The following CCDC85C variants were observed in gnomAD, a reference collection of about 807,000 sequenced individuals.
CCDC85C encodes coiled-coil domain containing 85C, also known as coiled-coil domain-containing protein 85C.
CCDC85C carries 18 observed loss-of-function variants against 38.3 expected under a neutral mutation model. That is an observed-to-expected ratio of 0.47 (90% CI 0.33 to 0.70). The LOEUF is 0.70. CCDC85C is among the 30% of genes least tolerant of loss of function. The pLI, the probability that CCDC85C is intolerant of heterozygous loss-of-function variation, is 0.03. For missense variants in CCDC85C, 566 were observed against 621.2 expected (o/e 0.91, Z 0.94); for synonymous variants, 264 against 293.8 (o/e 0.90, Z 1.04).
chr14:99,594,412 C>T lies in CCDC85C; in HGVS notation c.793+8755G>A, dbSNP rs1248766678. 2.6e-5 allele frequency among the ~76,000 whole-genome samples: 4 copies of T among 152,210 alleles called. No homozygotes were observed. The South Asian group carries it at 6.2e-4, about 24-fold the overall frequency. ...GGCTGGTCTGGGCCAGGGTCTCAGCCTCAAACAGCGTTTAGACAGGTCACC... is the reference window on the plus strand; with the variant it reads ...GGCTGGTCTGGGCCAGGGTCTCAGCTTCAAACAGCGTTTAGACAGGTCACC... On this transcript the variant is annotated intron_variant, in intron 1 of 5. Coordinates refer to ENST00000380243, the MANE Select transcript of CCDC85C (RefSeq NM_001144995.2).
chr14:99,592,892 G>T (rs2055102523), intron 1 of CCDC85C, among the ~76,000 whole-genome samples: 1 of 152,244 alleles, frequency 6.6e-6, no homozygotes, highest in Non-Finnish European at 1.5e-5. Flanking sequence ...GCGAGGGGGA[G>T]AAGAGGGGAG....
chr14:99,524,597 C>CA (rs1897348989), intron 2 of CCDC85C, among the ~76,000 whole-genome samples: 1 of 152,216 alleles, frequency 6.6e-6, no homozygotes, highest in African/African-American at 2.4e-5. Context: ...GAAAAACACA[C>CA]AATCTCTCAT....
intron 2 of CCDC85C, among the ~76,000 whole-genome samples, chr14:99,527,975 C>T (rs1403894096): frequency 6.6e-6 from 1 of 152,190 alleles, no homozygotes; most frequent in Non-Finnish European, 1.5e-5. Flanking sequence ...CGCTGCATCA[C>T]TGTCTTGCTA....
chr14:99,538,505 T>C (rs1455113103), intron 1 of CCDC85C, among the ~76,000 whole-genome samples: 1 of 152,244 alleles, frequency 6.6e-6, no homozygotes, highest in Admixed American at 6.5e-5. Flanking sequence ...CCACTGTGTG[T>C]GACCAACAGC....
In CCDC85C at chr14:99,507,389, C is replaced by A. The variant is rs1389702957; in HGVS notation, c.*7857G>T. ...CCCAGGAGTTCGAGGTCAGCCTGGG[C>A]AACAAAGTGAGACCCTGTCTAAAAA... is the stretch of plus-strand genomic sequence containing the variant. On this transcript the variant is annotated 3_prime_UTR_variant, in exon 6 of 6. Coordinates refer to ENST00000380243, the MANE Select transcript of CCDC85C (RefSeq NM_001144995.2). 2 of 499,764 alleles carry A rather than the reference C, an allele frequency of 4.0e-6. No individual in the cohort carries two copies. Among genetic ancestry groups the A allele is most frequent in the African/African-American group, 3.9e-5 (2 of 51,452 alleles). The allele number at this position is 499,764 out of a possible 1,614,324, so 31.0% of individuals were successfully genotyped here.
At chr14:99,568,299 C>A (rs1455305848) in intron 1 of CCDC85C, among the ~76,000 whole-genome samples, 4 of 145,394 alleles carry the variant, frequency 2.8e-5, no homozygotes, top group Non-Finnish European at 6.0e-5. Flanking sequence ...GTCACCCAGG[C>A]TGGAGTGCAA....
intron 1 of CCDC85C, among the ~76,000 whole-genome samples, chr14:99,562,181 C>T (rs1014015304): frequency 2.6e-5 from 4 of 152,160 alleles, no homozygotes; most frequent in South Asian, 2.1e-4. Context: ...AAGAGAGCGA[C>T]GCCCTCCAGC....
intron 1 of CCDC85C, among the ~76,000 whole-genome samples, chr14:99,542,894 A>G (rs899801038): frequency 1.3e-5 from 2 of 152,104 alleles, no homozygotes; most frequent in African/African-American, 4.8e-5. Context: ...TTCACCAAAG[A>G]GCCCTGTGAG....
chr14:99,549,247 G>A (rs939654529), intron 1 of CCDC85C, among the ~76,000 whole-genome samples: 3 of 152,162 alleles, frequency 2.0e-5, no homozygotes, highest in Admixed American at 6.5e-5. Flanking sequence ...AAGTCTGGGC[G>A]GCTGTTCTAG....
intron 1 of CCDC85C, among the ~76,000 whole-genome samples, chr14:99,600,708 T>C (rs1440824715): frequency 1.4e-5 from 1 of 69,748 alleles, no homozygotes; most frequent in Non-Finnish European, 5.7e-5. Context: ...ATAATACTGC[T>C]TCCCCAGGGT....
intron 1 of CCDC85C, among the ~76,000 whole-genome samples, chr14:99,579,690 G>A (rs1460229156): frequency 1.3e-5 from 2 of 152,186 alleles, no homozygotes; most frequent in African/African-American, 4.8e-5. Context: ...CAGCTCCCTG[G>A]GGGAGGCAGC....
chr14:99,531,145 TG>T (rs1302459074), intron 2 of CCDC85C, among the ~76,000 whole-genome samples: 1 of 151,408 alleles, frequency 6.6e-6, no homozygotes, highest in Non-Finnish European at 1.5e-5. Context: ...GGGCACAGCG[TG>T]GGGGAAGAGG....
In CCDC85C at chr14:99,522,035, G is replaced by A. The variant is rs527253323; in HGVS notation, c.975+98C>T. ...GGCCTAGGGCTGGGGCTGAACTCAG[G>A]CACCCAGATCCTTGTGCCCCTCCGG... On this transcript the variant is annotated intron_variant, in intron 3 of 5. Transcript: ENST00000380243. The A allele has an allele frequency of 4.3e-4, 382 of 886,618 alleles. No homozygotes were observed. In the African/African-American group the frequency reaches 5.8e-3, roughly 13 times the overall value. The allele number at this position is 886,618 out of a possible 1,614,324, so 54.9% of individuals were successfully genotyped here. A position where few individuals can be genotyped will look rare whatever the true frequency, so the allele number is the denominator to read the frequency against.
At chr14:99,532,782 CTTTT>C (rs34038396) in intron 2 of CCDC85C, among the ~76,000 whole-genome samples, 1 of 124,392 alleles carries the variant, frequency 8.0e-6, no homozygotes. Flanking sequence ...TCTTCTTCTT[CTTTT>C]TTTTTTTTTT....
intron 1 of CCDC85C, among the ~76,000 whole-genome samples, chr14:99,577,612 G>A (rs1168524189): frequency 6.6e-6 from 1 of 152,096 alleles, no homozygotes; most frequent in Non-Finnish European, 1.5e-5. Context: ...AGTGAAGTGT[G>A]TGTCTGCGAG....
chr14:99,547,401 G>A (rs1897827069), intron 1 of CCDC85C, among the ~76,000 whole-genome samples: 3 of 152,098 alleles, frequency 2.0e-5, no homozygotes, highest in South Asian at 2.1e-4. Context: ...TAATGGAAAC[G>A]GGGTTCCTTT....
intron 2 of CCDC85C, among the ~76,000 whole-genome samples, chr14:99,524,543 T>G (rs1179185408): frequency 6.6e-6 from 1 of 152,186 alleles, no homozygotes. Context: ...TATAAACATT[T>G]GCATGTCCAT....
rs567766787 is a variant in CCDC85C, at chr14:99,594,619, C to T, written c.793+8548G>A. ...GGACCACTGAGTGACCGATAGGAGG[C>T]AGGATGGGCAGGGGAGGCCACCCCT... On this transcript the variant is annotated intron_variant, in intron 1 of 5. Transcript: ENST00000380243. Among the ~76,000 whole-genome samples, 12 of 152,304 alleles carry T rather than the reference C, an allele frequency of 7.9e-5. No homozygotes were observed. In the South Asian group the frequency reaches 2.5e-3, roughly 32 times the overall value.
chr14:99,565,867 A>G (rs1472208662), intron 1 of CCDC85C, among the ~76,000 whole-genome samples: 1 of 152,148 alleles, frequency 6.6e-6, no homozygotes, highest in East Asian at 1.9e-4. Flanking sequence ...CCCAGAGAAG[A>G]GGCAGGATGA....
Sources: allele counts gnomAD v4.1 joint callset (sites outside exome capture counted in the v4.1 genomes callset), GRCh38; gene constraint gnomAD v4.1.1; transcripts MANE v1.5; gene names NCBI Gene and HGNC (gene_info 2026-07-23, HGNC 2026-07-21).